GOLGA4: variants seen among roughly 807,000 people sequenced by gnomAD.
GOLGA4 encodes the protein golgin A4, also known as golgin subfamily A member 4.
Under a neutral mutation model 265.9 loss-of-function variants are expected in GOLGA4, and 169 were observed. The ratio of observed to expected loss-of-function variants is 0.64; its 90% confidence interval spans 0.56 to 0.72. The LOEUF is 0.72. Among genes scored for constraint, GOLGA4 ranks in the 30% least tolerant of loss-of-function variants. The pLI is 0.00. For missense variants in GOLGA4, 2,482 were observed against 2,483.4 expected, an observed-to-expected ratio of 1.00 and a Z score of 0.01; for synonymous variants, 923 against 855.8, an observed-to-expected ratio of 1.08 and a Z score of -1.37.
At chr3:37,353,940 G>A (rs938292051) in intron 21 of GOLGA4, among the ~76,000 whole-genome samples, 2 of 152,012 alleles carry the variant, frequency 1.3e-5, no homozygotes, top group African/African-American at 4.8e-5. Flanking sequence ...ATAAACGGAA[G>A]AAGAGGTCTG....
At chr3:37,342,390 TA>T (rs1384981412) in intron 20 of GOLGA4, among the ~76,000 whole-genome samples, 1 of 152,094 alleles carries the variant, frequency 6.6e-6, no homozygotes, top group Non-Finnish European at 1.5e-5. Context: ...CAGTACAAAA[TA>T]AAACATTCCT....
rs1469281802 is a variant in GOLGA4 at position 37,243,518 on chromosome 3, C to T, written c.-33C>T. The T allele has an allele frequency of 6.2e-7, 1 of 1,604,034 alleles. No individual in the cohort carries two copies. Among genetic ancestry groups the T allele is most frequent in the South Asian group, 1.1e-5 (1 of 90,836 alleles). On this transcript the variant is annotated 5_prime_UTR_variant, in exon 1 of 24. Transcript: ENST00000361924. ...CCCCGGGCTCTCGCCCTTCAGGTTT[C>T]GTTGACACTCAGGACCGTACGTACG...
intron 17 of GOLGA4, among the ~76,000 whole-genome samples, chr3:37,336,453 G>T (rs1278854269): frequency 2.0e-5 from 3 of 152,054 alleles, no homozygotes; most frequent in Non-Finnish European, 4.4e-5. Flanking sequence ...TGTGTCCTAA[G>T]AAAGGTAAGA....
At chr3:37,323,116 CTTTTTTT>C (rs567838649) in intron 13 of GOLGA4, among the ~76,000 whole-genome samples, 62 of 114,152 alleles carry the variant, frequency 5.4e-4, no homozygotes, top group East Asian at 4.8e-3. Context: ...TTCCTTTTGT[CTTTTTTT>C]TTTTTTTTTT....
chr3:37,338,888 GTCTGTCTCTGTCA>G, intron 19 of GOLGA4, among the ~76,000 whole-genome samples: 1 of 142,476 alleles, frequency 7.0e-6, no homozygotes, highest in South Asian at 2.2e-4. Context: ...TTGAGTTGGA[GTCTGTCTCTGTCA>G]TCCAGGCTGG....
chr3:37,273,493 T>C, intron 2 of GOLGA4: 1 of 1,118,676 alleles, frequency 8.9e-7, no homozygotes. Flanking sequence ...AAACCTTTAG[T>C]TTTTTGTTCT....
chr3:37,319,261 C>A, intron 12 of GOLGA4, 67 bp downstream of exon 12: 2 of 1,294,496 alleles, frequency 1.5e-6, no homozygotes, highest in South Asian at 1.5e-5. Flanking sequence ...ATCATCCTCT[C>A]ACTGTTGCAT....
At chr3:37,272,686 A>T (rs2096802030) in intron 2 of GOLGA4, among the ~76,000 whole-genome samples, 1 of 152,256 alleles carries the variant, frequency 6.6e-6, no homozygotes, top group African/African-American at 2.4e-5. Flanking sequence ...AGAATAAGTT[A>T]GGTCAGATAT....
At chr3:37,243,716 T>C in intron 1 of GOLGA4, 94 bp downstream of exon 1, 2 of 1,073,202 alleles carry the variant, frequency 1.9e-6, no homozygotes. Context: ...AGTTCTTCCG[T>C]GACCTTTAAC....
Position 37,328,488 on chromosome 3 carries a change from G to A in GOLGA4, c.6012G>A (p.Gln2004=). The change falls in exon 15 of 24, where the codon CAG becomes CAA. Residue 2004 remains glutamine, a synonymous_variant. Coordinates refer to ENST00000361924, the MANE Select transcript of GOLGA4 (RefSeq NM_002078.5). ...LKQLMREFNT[Q]LAQKEQELEM... ...AGCTGATGAGGGAGTTTAATACACAGCTGGCACAAAAGGAACAAGAGCTGG... is the reference window on the plus strand; with the variant it reads ...AGCTGATGAGGGAGTTTAATACACAACTGGCACAAAAGGAACAAGAGCTGG... 6.2e-7 allele frequency: 1 copy of A among 1,613,042 alleles called. No individual in the cohort carries two copies. The highest frequency in any genetic ancestry group is 8.5e-7 in the Non-Finnish European group (1 of 1,179,254).
At position 37,326,563 on chromosome 3, in the gene GOLGA4, C is replaced by T; in HGVS notation, c.4677C>T (p.His1559=). 1 of 1,611,266 alleles carries T rather than the reference C, an allele frequency of 6.2e-7. No homozygotes were observed. The highest frequency in any genetic ancestry group is 8.5e-7 in the Non-Finnish European group (1 of 1,178,064). ...KNYNQQKDIE[H]KELVQKLQHF... ...ACAATCAACAAAAGGATATTGAACA[C>T]AAAGAATTGGTTCAGAAACTTCAAC... The change falls in exon 14 of 24, where the codon CAC becomes CAT. Residue 1559 remains histidine, a synonymous_variant. Coordinates refer to ENST00000361924, the MANE Select transcript of GOLGA4 (RefSeq NM_002078.5).
At chr3:37,309,008 T>A in intron 10 of GOLGA4, among the ~76,000 whole-genome samples, 1 of 149,572 alleles carries the variant, frequency 6.7e-6, no homozygotes, top group Non-Finnish European at 1.5e-5. Context: ...CCCAGTACTT[T>A]GGGAGGCCGA....
At chr3:37,345,934 G>A (rs891099781) in intron 20 of GOLGA4, among the ~76,000 whole-genome samples, 2 of 149,604 alleles carry the variant, frequency 1.3e-5, no homozygotes, top group East Asian at 2.0e-4. Context: ...GCGACAGAGC[G>A]AGACTCCATC....
chr3:37,289,844 G>C (rs927586056), intron 5 of GOLGA4, among the ~76,000 whole-genome samples: 2 of 152,020 alleles, frequency 1.3e-5, no homozygotes, highest in African/African-American at 4.8e-5. Context: ...ATACCTTGTC[G>C]CTTCCCTCTG....
intron 15 of GOLGA4, 91 bp from the exon 16 acceptor site, chr3:37,328,872 A>G (rs1436304278): frequency 9.7e-7 from 1 of 1,035,480 alleles, no homozygotes; most frequent in African/African-American, 1.6e-5. Context: ...CATCAAAATT[A>G]ATTGGAATGA....
In GOLGA4 at chr3:37,319,113, G is replaced by T. The variant is rs758974666; in HGVS notation, c.1464G>T (p.Glu488Asp). The change falls in exon 12 of 24, where the codon GAG becomes GAT. Residue 488 changes from glutamate to aspartate, a missense_variant. Glu to Asp is a conservative substitution (Grantham distance 45). Around this residue, in one of 3 missense-constraint regions of GOLGA4, gnomAD observed 1,536 missense variants for 1,483.7 expected, o/e 1.04. Transcript: ENST00000361924. ...IAKLQKLHEK[E>D]LARKEQELTK... is the part of the protein sequence containing the mutation. ...AGCTACAGAAGCTTCATGAAAAGGA[G>T]CTGGCCAGAAAAGAGCAGGAACTGA... 3.1e-6 allele frequency: 5 copies of T among 1,610,422 alleles called. No homozygotes were observed. In the South Asian group the frequency reaches 4.4e-5, roughly 14 times the overall value.
Position 37,364,969 on chromosome 3 carries a change from C to T in GOLGA4, c.*34-1111C>T, listed in dbSNP as rs1033054995. Reference sequence around the variant, plus strand: ...CTGGAGTGCAGTGGTACAGTCAGCTCACTGCAGCCTTGACTTCCCAGGCTC... The same window carrying T: ...CTGGAGTGCAGTGGTACAGTCAGCTTACTGCAGCCTTGACTTCCCAGGCTC... On this transcript the variant is annotated intron_variant, in intron 23 of 23. Coordinates refer to ENST00000361924, the MANE Select transcript of GOLGA4 (RefSeq NM_002078.5). 2.3e-4 allele frequency among the ~76,000 whole-genome samples: 35 copies of T among 152,128 alleles called. 1 individual carries two copies. The highest frequency in any genetic ancestry group is 2.3e-3 in the Admixed American group (35 of 15,278).
intron 2 of GOLGA4, among the ~76,000 whole-genome samples, chr3:37,268,718 C>T (rs768249051): frequency 6.6e-6 from 1 of 152,100 alleles, no homozygotes; most frequent in Non-Finnish European, 1.5e-5. Flanking sequence ...ACCACAGATG[C>T]GCACCACCAT....
chr3:37,347,319 T>C, intron 21 of GOLGA4, 23 bp downstream of exon 21: 1 of 1,296,348 alleles, frequency 7.7e-7, no homozygotes, highest in Non-Finnish European at 1.1e-6. Flanking sequence ...TCTCGTGATT[T>C]GGTGTGTGGC....
Sources: allele counts gnomAD v4.1 joint callset (sites outside exome capture counted in the v4.1 genomes callset), GRCh38; gene constraint gnomAD v4.1.1; regional missense constraint gnomAD v4.1.1; transcripts MANE v1.5; gene names NCBI Gene and HGNC (gene_info 2026-07-23, HGNC 2026-07-21).